Variants in EXOSC1 observed in about 807,000 individuals in gnomAD.
EXOSC1 encodes the protein exosome component 1.
Under a neutral mutation model 31.4 loss-of-function variants are expected in EXOSC1, and 27 were observed. That is an observed-to-expected ratio of 0.86 (90% CI 0.63 to 1.18). EXOSC1 has a LOEUF of 1.18. Ranked by LOEUF, EXOSC1 falls within the 50% of genes most tolerant of loss-of-function variation. The pLI, the probability that EXOSC1 is intolerant of heterozygous loss-of-function variation, is 0.00. For missense variants in EXOSC1, 228 were observed against 250.3 expected (o/e 0.91, Z 0.60); for synonymous variants, 84 against 89.5 (o/e 0.94, Z 0.35).
In EXOSC1 at chr10:97,435,960, C is replaced by T. The variant is rs898694038; in HGVS notation, c.*485G>A. Reference sequence around the variant, plus strand: ...TGAGCCACCATGCCTGCCTCACATGCTATCTGTATCACCACGTGTCCTCAA... The same window carrying T: ...TGAGCCACCATGCCTGCCTCACATGTTATCTGTATCACCACGTGTCCTCAA... On this transcript the variant is annotated 3_prime_UTR_variant, in exon 8 of 8. Transcript: ENST00000370902. Among the ~76,000 whole-genome samples, 8 of 152,158 alleles carry T rather than the reference C, an allele frequency of 5.3e-5. No individual in the cohort carries two copies. The highest frequency in any genetic ancestry group is 8.8e-5 in the Non-Finnish European group (6 of 68,020).
chr10:97,445,567 G>A (rs971556755), intron 2 of EXOSC1, 165 bp downstream of exon 2: 7 of 644,648 alleles, frequency 1.1e-5, no homozygotes, highest in African/African-American at 9.1e-5. Flanking sequence ...CTAGTGTGTG[G>A]TGGCTAAGTG....
intron 4 of EXOSC1, chr10:97,440,961 C>G: frequency 2.3e-6 from 1 of 428,440 alleles, no homozygotes; most frequent in Non-Finnish European, 4.2e-6. Context: ...CTTTGCTTTA[C>G]TTTTAAACCC....
intron 6 of EXOSC1, 70 bp downstream of exon 6, chr10:97,437,630 G>A (rs889508094): frequency 4.1e-6 from 6 of 1,463,874 alleles, no homozygotes; most frequent in African/African-American, 2.8e-5. Context: ...TTACAGGCAT[G>A]AGCCACCACA....
chr10:97,437,233 C>T lies in EXOSC1; in HGVS notation c.439G>A (p.Ala147Thr), dbSNP rs148789012. ...DAQSNYLLTT[A>T]ENELGVVVAH... ...ACCACCACTCCCAGCTCGTTCTCGG[C>T]GGTGGTTAGCAGGTAGTTGGACTGT... Residue 147 changes from alanine to threonine, a missense_variant, in exon 7 of 8, where the codon GCC (alanine) becomes ACC (threonine). Ala to Thr is a moderately conservative substitution (Grantham distance 58). Transcript: ENST00000370902. 1,688 of 1,614,030 alleles carry T rather than the reference C, an allele frequency of 1.0e-3. No individual in the cohort carries two copies. The highest frequency in any genetic ancestry group is 1.2e-3 in the Non-Finnish European group (1,357 of 1,179,994).
At chr10:97,437,148 T>G (rs762299720) in intron 7 of EXOSC1, 43 bp downstream of exon 7, 2 of 1,541,112 alleles carry the variant, frequency 1.3e-6, no homozygotes, top group Non-Finnish European at 1.8e-6. Flanking sequence ...TCCCAAACCA[T>G]AGATCCAGGG....
intron 3 of EXOSC1, among the ~76,000 whole-genome samples, chr10:97,441,753 G>A (rs1845722646): frequency 6.8e-6 from 1 of 147,620 alleles, no homozygotes; most frequent in Admixed American, 6.7e-5. Context: ...GCCTCCCAAA[G>A]TGCTGGGATT....
At chr10:97,442,151 C>G (rs1845739797) in intron 3 of EXOSC1, among the ~76,000 whole-genome samples, 1 of 149,666 alleles carries the variant, frequency 6.7e-6, no homozygotes, top group East Asian at 2.0e-4. Context: ...GCACTCCAGC[C>G]TGGGTGACAG....
In EXOSC1 at chr10:97,437,207, TACC is replaced by T. The variant is rs1845564664; in HGVS notation, c.462_464del (p.Val155del). ...CCATCTCACCTGACTCACTGTGGGCTACCACCACTCCCAGCTCGTTCTCGGCGG... is the reference window on the plus strand; with the variant it reads ...CCATCTCACCTGACTCACTGTGGGCTACCACTCCCAGCTCGTTCTCGGCGG... On this transcript the variant is annotated inframe_deletion, in exon 7 of 8. Transcript: ENST00000370902. The T allele has an allele frequency of 3.1e-6, 5 of 1,613,420 alleles. No individual in the cohort carries two copies. The highest frequency in any genetic ancestry group is 4.2e-6 in the Non-Finnish European group (5 of 1,179,814).
intron 2 of EXOSC1, 80 bp downstream of exon 2, chr10:97,445,652 C>A (rs1370527356): frequency 1.5e-6 from 2 of 1,318,114 alleles, no homozygotes; most frequent in Non-Finnish European, 2.1e-6. Context: ...GACGCGTCCG[C>A]AGTGCCCATG....
At chr10:97,438,853 G>A in intron 4 of EXOSC1, 150 bp from the exon 5 acceptor site, 2 of 649,642 alleles carry the variant, frequency 3.1e-6, no homozygotes, top group East Asian at 2.7e-5. Context: ...CTGGGTTCAA[G>A]CAATTCTCGT....
chr10:97,441,330 G>T, intron 3 of EXOSC1, 71 bp from the exon 4 acceptor site: 1 of 1,256,830 alleles, frequency 8.0e-7, no homozygotes, highest in South Asian at 1.2e-5. Context: ...CAATAAACTG[G>T]GGATTACTAG....
At chr10:97,440,993 G>T in intron 4 of EXOSC1, 178 bp downstream of exon 4, 1 of 531,648 alleles carries the variant, frequency 1.9e-6, no homozygotes. Context: ...TTTTCCTTTT[G>T]TCCTAGATCA....
chr10:97,441,166 C>G lies in EXOSC1; in HGVS notation c.311+5G>C. The G allele has an allele frequency of 6.2e-7, 1 of 1,612,542 alleles. No individual in the cohort carries two copies. On this transcript the variant is annotated splice_donor_5th_base_variant and intron_variant, in intron 4 of 7. Transcript: ENST00000370902. The stretch of plus-strand genomic sequence containing the variant: ...TAAGGTATATGTGAAAAGGATACTT[C>G]TTACCGGATAGTTCCTCGAAAAGAG...
At chr10:97,437,356 T>G in intron 6 of EXOSC1, 81 bp from the exon 7 acceptor site, 1 of 596,410 alleles carries the variant, frequency 1.7e-6, no homozygotes. Context: ...TTTTTCTACC[T>G]TTTTTTTTTT....
chr10:97,438,025 T>A (rs184376461), intron 5 of EXOSC1, among the ~76,000 whole-genome samples: 199 of 152,194 alleles, frequency 1.3e-3, no homozygotes, highest in African/African-American at 4.6e-3. Flanking sequence ...GTTCAAGCGA[T>A]TCTCCTGCCT....
Position 97,441,264 on chromosome 10 carries a change from G to T in EXOSC1, c.223-5C>A, listed in dbSNP as rs764783726. The T allele has an allele frequency of 2.5e-6, 4 of 1,613,126 alleles. No homozygotes were observed. The highest frequency in any genetic ancestry group is 3.4e-6 in the Non-Finnish European group (4 of 1,179,244). On this transcript the variant is annotated splice_polypyrimidine_tract_variant and splice_region_variant and intron_variant, in intron 3 of 7. Coordinates refer to ENST00000370902, the MANE Select transcript of EXOSC1 (RefSeq NM_016046.5). ...GCGTGAATTGATGCTAGAGACCTGC[G>T]GAATAGAGAAAAGATCAGCATCAGA...
chr10:97,437,649 C>T (rs1845583581), intron 6 of EXOSC1, 51 bp downstream of exon 6: 3 of 1,573,436 alleles, frequency 1.9e-6, no homozygotes, highest in African/African-American at 1.4e-5. Flanking sequence ...CACCCGGCCT[C>T]CTTCTCTTCT....
At position 97,443,258 on chromosome 10, in the gene EXOSC1, C is replaced by G; in HGVS notation, c.201G>C (p.Val67=). 1 of 1,614,094 alleles carries G rather than the reference C, an allele frequency of 6.2e-7. No homozygotes were observed. The highest frequency in any genetic ancestry group is 8.5e-7 in the Non-Finnish European group (1 of 1,180,008). Residue 67 remains valine, a synonymous_variant, in exon 3 of 8, where the codon GTG becomes GTC. Coordinates refer to ENST00000370902, the MANE Select transcript of EXOSC1 (RefSeq NM_016046.5). ...RETESQLLPD[V]GAIVTCKVSS... The stretch of plus-strand genomic sequence containing the variant: ...TTACCTTACAGGTTACAATAGCTCC[C>G]ACATCTGGCAGTAACTGGGACTCTG...
chr10:97,437,181 G>T lies in EXOSC1; in HGVS notation c.481+10C>A. On this transcript the variant is annotated intron_variant, in intron 7 of 7. Transcript: ENST00000370902. ...GGGAAAGTAAGGATGTGGAAACAAG[G>T]CCATCTCACCTGACTCACTGTGGGC... is the stretch of plus-strand genomic sequence containing the variant. The T allele has an allele frequency of 1.2e-6, 2 of 1,612,264 alleles. No homozygotes were observed. Among genetic ancestry groups the T allele is most frequent in the Non-Finnish European group, 1.7e-6 (2 of 1,178,724 alleles).
Sources: allele counts gnomAD v4.1 joint callset (sites outside exome capture counted in the v4.1 genomes callset), GRCh38; gene constraint gnomAD v4.1.1; transcripts MANE v1.5; gene names NCBI Gene and HGNC (gene_info 2026-07-23, HGNC 2026-07-21).